FGD3: variants seen among roughly 807,000 people sequenced by gnomAD.
FGD3 encodes FYVE, RhoGEF and PH domain containing 3, also known as FYVE, RhoGEF and PH domain-containing protein 3.
In FGD3, 45 loss-of-function variants were observed where a neutral mutation model predicts 71.8. The observed-to-expected ratio is 0.63, with a 90% CI of 0.49 to 0.80. The LOEUF is 0.80. FGD3 is among the 30% of genes least tolerant of loss of function. The probability of loss-of-function intolerance (pLI) is 0.00; values close to 1 mark genes in which losing one functional copy is unlikely to be tolerated. For synonymous variants in FGD3, 378 were observed against 392.8 expected (o/e 0.96, Z 0.44); for missense variants, 844 against 951.5 (o/e 0.89, Z 1.49).
intron 6 of FGD3, among the ~76,000 whole-genome samples, chr9:93,006,396 A>G (rs1285586556): frequency 6.6e-6 from 1 of 152,226 alleles, no homozygotes; most frequent in Admixed American, 6.5e-5. Context: ...CCCAGAGATG[A>G]ATCAGCATTC....
Position 93,011,222 on chromosome 9 carries a change from G to A in FGD3, c.985G>A (p.Glu329Lys), listed in dbSNP as rs1861352100. The A allele has an allele frequency of 5.0e-6, 8 of 1,614,040 alleles. No homozygotes were observed. Among genetic ancestry groups the A allele is most frequent in the Admixed American group, 1.7e-5 (1 of 60,002 alleles). Residue 329 changes from glutamate (E) to lysine (K), a missense_variant, in exon 8 of 18, where the codon GAG becomes AAG. Glu to Lys is a moderately conservative substitution (Grantham distance 56). Transcript: ENST00000375482. ...PDRKDAERSL[E>K]LISTAANHSN... is the part of the protein sequence containing the mutation. ...CAGTCTTCTTCCTGCAGGGTCCTTG[G>A]AGCTCATCTCCACAGCCGCCAACCA... is the stretch of plus-strand genomic sequence containing the variant.
At chr9:93,018,294 TTTTA>T (rs1861783222) in intron 11 of FGD3, 79 bp downstream of exon 11, 1 of 1,320,380 alleles carries the variant, frequency 7.6e-7, no homozygotes, top group South Asian at 1.3e-5. Context: ...TGTAATATAT[TTTTA>T]TTTATGCATG....
At chr9:93,009,087 A>G (rs1345262685) in intron 6 of FGD3, among the ~76,000 whole-genome samples, 1 of 151,660 alleles carries the variant, frequency 6.6e-6, no homozygotes, top group Non-Finnish European at 1.5e-5. Context: ...ATATAGTGAA[A>G]CCCCATCTCT....
chr9:93,030,055 A>T, intron 15 of FGD3, 59 bp downstream of exon 15: 10 of 1,582,646 alleles, frequency 6.3e-6, no homozygotes, highest in Non-Finnish European at 8.6e-6. Context: ...GCTCTGACAG[A>T]GCAGCTGAGT....
chr9:92,988,448 C>A lies in FGD3; in HGVS notation c.453+11739C>A, dbSNP rs10992565. On this transcript the variant is annotated intron_variant, in intron 3 of 17. Transcript: ENST00000375482. The stretch of plus-strand genomic sequence containing the variant: ...CCAGGGACCCTTTCTTATCTGCCTC[C>A]TGCATCTATCAAGACCATCACCTGA... Among the ~76,000 whole-genome samples, 5 of 151,514 alleles carry A rather than the reference C, an allele frequency of 3.3e-5. No individual in the cohort carries two copies. In the South Asian group the frequency reaches 6.2e-4, roughly 19 times the overall value.
At chr9:93,010,945 G>A (rs920136947) in intron 7 of FGD3, among the ~76,000 whole-genome samples, 1 of 151,682 alleles carries the variant, frequency 6.6e-6, no homozygotes, top group African/African-American at 2.4e-5. Flanking sequence ...GCAGCAACTG[G>A]TGTGGCTGGC....
chr9:92,961,181 C>T (rs1003719543), intron 1 of FGD3, among the ~76,000 whole-genome samples: 2 of 152,160 alleles, frequency 1.3e-5, no homozygotes, highest in East Asian at 3.9e-4. Flanking sequence ...GTCCCTGGGA[C>T]AAAGCAGGAG....
intron 3 of FGD3, among the ~76,000 whole-genome samples, chr9:92,996,336 A>G (rs1390694109): frequency 6.6e-6 from 1 of 152,070 alleles, no homozygotes; most frequent in Non-Finnish European, 1.5e-5. Flanking sequence ...CCTCTTTATC[A>G]TTTTTTATTG....
In FGD3 at chr9:93,003,475, G is replaced by T. The variant is rs1860936829; in HGVS notation, c.543+461G>T. On this transcript the variant is annotated intron_variant, in intron 4 of 17. Transcript: ENST00000375482. The surrounding 1 kb of genome is among the most constrained non-coding windows in gnomAD (Gnocchi z 4.1). ...CAGTGCTTGTAGCTCTGAGGAGAAG[G>T]CTTTGCCAAGTCACCTGTGGGACAT... Among the ~76,000 whole-genome samples, 1 of 152,192 alleles carries T rather than the reference G, an allele frequency of 6.6e-6. No individual in the cohort carries two copies. The highest frequency in any genetic ancestry group is 2.1e-4 in the South Asian group (1 of 4,826).
chr9:93,020,276 A>C (rs372404291), intron 12 of FGD3, 41 bp from the exon 13 acceptor site: 1 of 1,562,992 alleles, frequency 6.4e-7, no homozygotes, highest in Non-Finnish European at 8.7e-7. Context: ...GCATCCTCCC[A>C]TGCCCCTTTA....
chr9:92,970,507 C>T (rs567013487), intron 1 of FGD3, among the ~76,000 whole-genome samples: 1 of 152,286 alleles, frequency 6.6e-6, no homozygotes, highest in South Asian at 2.1e-4. Context: ...TCATCAGGAA[C>T]TCTCATTGGT....
At chr9:92,984,698 G>C (rs146551845) in intron 3 of FGD3, among the ~76,000 whole-genome samples, 3 of 152,310 alleles carry the variant, frequency 2.0e-5, no homozygotes, top group Non-Finnish European at 4.4e-5. Context: ...ACCCATCTAG[G>C]AAAGTATATT....
chr9:93,006,938 A>G (rs1861083200), intron 6 of FGD3, among the ~76,000 whole-genome samples: 1 of 151,456 alleles, frequency 6.6e-6, no homozygotes, highest in East Asian at 1.9e-4. Flanking sequence ...TGTGTTAGCC[A>G]GGATGGTCTC....
Position 93,021,644 on chromosome 9 carries a change from C to T in FGD3, c.1495-683C>T, listed in dbSNP as rs1023342767. 3.9e-5 allele frequency among the ~76,000 whole-genome samples: 6 copies of T among 152,124 alleles called. No individual in the cohort carries two copies. The East Asian group carries it at 7.7e-4, about 20-fold the overall frequency. ...AGAGTGAGGGTGCCCCAACTCTCGC[C>T]GCCTGACCCAGACCCCGCAGGCCTG... On this transcript the variant is annotated intron_variant, in intron 13 of 17. Coordinates refer to ENST00000375482, the MANE Select transcript of FGD3 (RefSeq NM_001083536.2).
At chr9:92,985,528 G>A (rs1414118117) in intron 3 of FGD3, among the ~76,000 whole-genome samples, 1 of 152,166 alleles carries the variant, frequency 6.6e-6, no homozygotes, top group Non-Finnish European at 1.5e-5. Context: ...GCCCAGGCTG[G>A]AGTGCAGTGG....
chr9:93,014,471 A>G (rs981889676), intron 9 of FGD3, among the ~76,000 whole-genome samples: 10 of 151,086 alleles, frequency 6.6e-5, no homozygotes, highest in African/African-American at 2.4e-4. Flanking sequence ...TTCCTCCTCC[A>G]TTTTCCTCTA....
chr9:93,004,925 G>C (rs932928445), intron 5 of FGD3, among the ~76,000 whole-genome samples: 7 of 152,196 alleles, frequency 4.6e-5, no homozygotes, highest in Non-Finnish European at 7.3e-5. Flanking sequence ...ACATGGTCCA[G>C]CTGCCGAACA....
rs536218811 is a variant in FGD3, at chr9:93,021,297, A to C, written c.1494+873A>C. ...CCCCAAGGGCCCAGGGGGATTTCACATGGAGACTTAGGCTGGGAAAGAGGC... is the reference window on the plus strand; with the variant it reads ...CCCCAAGGGCCCAGGGGGATTTCACCTGGAGACTTAGGCTGGGAAAGAGGC... On this transcript the variant is annotated intron_variant, in intron 13 of 17. Coordinates refer to ENST00000375482, the MANE Select transcript of FGD3 (RefSeq NM_001083536.2). 2.6e-5 allele frequency among the ~76,000 whole-genome samples: 4 copies of C among 152,286 alleles called. No homozygotes were observed. The South Asian group carries it at 8.3e-4, about 32-fold the overall frequency.
At chr9:92,972,981 A>G (rs1204457326) in intron 1 of FGD3, among the ~76,000 whole-genome samples, 1 of 152,126 alleles carries the variant, frequency 6.6e-6, no homozygotes, top group Non-Finnish European at 1.5e-5. Context: ...AGAACATAGG[A>G]TGACACAGAC....
Sources: gnomAD v4.1 joint callset for allele counts (sites outside exome capture counted in the v4.1 genomes callset) on GRCh38, gnomAD v4.1.1 for gene constraint, Gnocchi (gnomAD v3.1) non-coding constraint, MANE v1.5 for transcripts, NCBI Gene and HGNC (gene_info 2026-07-23, HGNC 2026-07-21) for gene names.